The following MRPL15 variants were observed in gnomAD, a reference collection of about 807,000 sequenced individuals.
The protein encoded by MRPL15 is large ribosomal subunit protein uL15m.
MRPL15 carries 24 observed loss-of-function variants against 28.0 expected under a neutral mutation model. The ratio of observed to expected loss-of-function variants is 0.86; its 90% confidence interval spans 0.62 to 1.21. MRPL15 has a LOEUF of 1.21. Ranked by LOEUF, MRPL15 falls within the 50% of genes most tolerant of loss-of-function variation. The pLI is 0.00. For synonymous variants in MRPL15, 124 were observed against 137.0 expected, an observed-to-expected ratio of 0.90 and a Z score of 0.66; for missense variants, 343 against 372.4, an observed-to-expected ratio of 0.92 and a Z score of 0.65.
At chr8:54,137,671 C>T (rs1489405989) in intron 3 of MRPL15, among the ~76,000 whole-genome samples, 1 of 152,096 alleles carries the variant, frequency 6.6e-6, no homozygotes, top group Non-Finnish European at 1.5e-5. Flanking sequence ...ACTATGTTGG[C>T]CAGGCTGATC....
rs1811074000 is a variant in MRPL15 at position 54,147,970 on chromosome 8, T to G, written c.*251T>G. The G allele has an allele frequency of 7.8e-6, 3 of 382,644 alleles. No homozygotes were observed. The highest frequency in any genetic ancestry group is 9.4e-6 in the Non-Finnish European group (2 of 213,156). 23.7% of individuals were successfully genotyped at this position (382,644 alleles called of 1,614,324 possible). A position where few individuals can be genotyped will look rare whatever the true frequency, so the allele number is the denominator to read the frequency against. ...TAGTCTATGGAAGGAAAATGACAAC[T>G]ATTTTAGAATATTTCTAGTTTGTTT... On this transcript the variant is annotated 3_prime_UTR_variant, in exon 5 of 5. Coordinates refer to ENST00000260102, the MANE Select transcript of MRPL15 (RefSeq NM_014175.4).
rs763710663 is a variant in MRPL15 at position 54,135,249 on chromosome 8, C to G, written c.-35C>G. The stretch of plus-strand genomic sequence containing the variant: ...GAGACCACGTGGCCTCCGAGCAGCT[C>G]AGGGCGCCCTTGAAAGTTCTTGGAT... On this transcript the variant is annotated 5_prime_UTR_variant, in exon 1 of 5. Coordinates refer to ENST00000260102, the MANE Select transcript of MRPL15 (RefSeq NM_014175.4). The G allele has an allele frequency of 3.6e-5, 47 of 1,294,550 alleles. No individual in the cohort carries two copies. The highest frequency in any genetic ancestry group is 4.5e-5 in the Non-Finnish European group (45 of 1,007,396). The allele number at this position is 1,294,550 out of a possible 1,614,324, so 80.2% of individuals were successfully genotyped here.
intron 3 of MRPL15, 100 bp downstream of exon 3, chr8:54,137,533 G>A (rs1228732948): frequency 1.8e-6 from 2 of 1,109,780 alleles, no homozygotes; most frequent in Non-Finnish European, 2.6e-6. Context: ...GCGCAATCTC[G>A]GCTCCTGCAA....
intron 1 of MRPL15, among the ~76,000 whole-genome samples, chr8:54,135,770 G>T (rs866800780): frequency 6.6e-6 from 1 of 151,950 alleles, no homozygotes; most frequent in East Asian, 1.9e-4. Context: ...CGATCCGCCT[G>T]CCTCGGCCTC....
chr8:54,143,414 G>T, intron 4 of MRPL15, among the ~76,000 whole-genome samples: 1 of 152,114 alleles, frequency 6.6e-6, no homozygotes, highest in Middle Eastern at 3.2e-3. Flanking sequence ...GGCTCTTCTT[G>T]TAGTCTTCCC....
rs145535721 is a variant in MRPL15, at chr8:54,141,975, C to T, written c.430-688C>T. On this transcript the variant is annotated intron_variant, in intron 3 of 4. Coordinates refer to ENST00000260102, the MANE Select transcript of MRPL15 (RefSeq NM_014175.4). Reference sequence around the variant, plus strand: ...TCAAGTGATTCTCCTGCCTCAGCCTCGAAATAGCTGGGATTACTGGTGCCT... The same window carrying T: ...TCAAGTGATTCTCCTGCCTCAGCCTTGAAATAGCTGGGATTACTGGTGCCT... 1.7e-3 allele frequency among the ~76,000 whole-genome samples: 252 copies of T among 151,456 alleles called. 1 individual carries two copies. The highest frequency in any genetic ancestry group is 5.7e-3 in the African/African-American group (235 of 41,266).
At position 54,136,586 on chromosome 8, in the gene MRPL15, C is replaced by T. The variant is rs757648249; in HGVS notation, c.184C>T (p.Arg62Trp). 6 of 1,614,182 alleles carry T rather than the reference C, an allele frequency of 3.7e-6. No homozygotes were observed. Among genetic ancestry groups the T allele is most frequent in the Middle Eastern group, 1.6e-4 (1 of 6,062 alleles). ...TAAAGGAGAAAGGCAAAGAGGAACC[C>T]GGCCCCGCTTGGGCTTTGAGGGAGG... ...GHKGERQRGT[R>W]PRLGFEGGQT... The change falls in exon 2 of 5, where the codon CGG (arginine) becomes TGG (tryptophan). Residue 62 changes from arginine (R) to tryptophan (W), a missense_variant. Transcript: ENST00000260102.
chr8:54,147,375 C>A lies in MRPL15; in HGVS notation c.554-7C>A. 1 of 1,586,812 alleles carries A rather than the reference C, an allele frequency of 6.3e-7. No homozygotes were observed. Among genetic ancestry groups the A allele is most frequent in the South Asian group, 1.1e-5 (1 of 88,294 alleles). ...ATCTCACTTTTTAAATTTAAATTTTCTTTTAGACATTGTATGCAAACCTGT... is the reference window on the plus strand; with the variant it reads ...ATCTCACTTTTTAAATTTAAATTTTATTTTAGACATTGTATGCAAACCTGT... On this transcript the variant is annotated splice_polypyrimidine_tract_variant and splice_region_variant and intron_variant, in intron 4 of 4. Transcript: ENST00000260102.
At chr8:54,138,115 C>T (rs548552672) in intron 3 of MRPL15, among the ~76,000 whole-genome samples, 4 of 151,452 alleles carry the variant, frequency 2.6e-5, no homozygotes, top group South Asian at 4.2e-4. Context: ...CCACCACACC[C>T]GGCTAATTTT....
chr8:54,141,517 A>C (rs900906033), intron 3 of MRPL15, among the ~76,000 whole-genome samples: 2 of 152,148 alleles, frequency 1.3e-5, no homozygotes, highest in African/African-American at 4.8e-5. Context: ...AAAATTAGTA[A>C]AACAAGGTAG....
intron 2 of MRPL15, 77 bp downstream of exon 2, chr8:54,136,742 T>G: frequency 6.7e-7 from 1 of 1,501,832 alleles, no homozygotes; most frequent in Non-Finnish European, 9.0e-7. Context: ...TGGTAGAAAT[T>G]TTGGTGGAAA....
At chr8:54,140,028 T>A (rs1420965173) in intron 3 of MRPL15, among the ~76,000 whole-genome samples, 1 of 152,160 alleles carries the variant, frequency 6.6e-6, no homozygotes, top group Non-Finnish European at 1.5e-5. Context: ...CATCTTAGAA[T>A]TGATGGAATA....
At chr8:54,140,574 CTTTTT>C (rs71551976) in intron 3 of MRPL15, among the ~76,000 whole-genome samples, 10 of 99,604 alleles carry the variant, frequency 1.0e-4, no homozygotes, top group South Asian at 9.4e-4. Flanking sequence ...ATTTTCTTTT[CTTTTT>C]TTTTTTTTTT....
intron 4 of MRPL15, among the ~76,000 whole-genome samples, chr8:54,144,871 C>T (rs1320369076): frequency 5.3e-5 from 8 of 152,158 alleles, no homozygotes; most frequent in East Asian, 1.9e-4. Context: ...GTCCATCACT[C>T]AGTTTTTAGG....
In MRPL15 at chr8:54,147,998, T is replaced by C; in HGVS notation, c.*279T>C. 1 of 317,452 alleles carries C rather than the reference T, an allele frequency of 3.2e-6. No homozygotes were observed. 19.7% of individuals were successfully genotyped at this position (317,452 alleles called of 1,614,324 possible). Reference sequence around the variant, plus strand: ...TTTAGAATATTTCTAGTTTGTTTTTTCAGTGATCTTTTCATCCAGGCCTTG... The same window carrying C: ...TTTAGAATATTTCTAGTTTGTTTTTCCAGTGATCTTTTCATCCAGGCCTTG... On this transcript the variant is annotated 3_prime_UTR_variant, in exon 5 of 5. Transcript: ENST00000260102.
At chr8:54,144,088 AT>A (rs778448506) in intron 4 of MRPL15, among the ~76,000 whole-genome samples, 23 of 152,148 alleles carry the variant, frequency 1.5e-4, no homozygotes, top group Non-Finnish European at 3.2e-4. Flanking sequence ...GTATAAGTTC[AT>A]TTCTCTTTCT....
rs1308594591 is a variant in MRPL15 at position 54,147,665 on chromosome 8, T to C, written c.837T>C (p.Asp279=). 4 of 1,613,968 alleles carry C rather than the reference T, an allele frequency of 2.5e-6. No individual in the cohort carries two copies. The highest frequency in any genetic ancestry group is 3.4e-6 in the Non-Finnish European group (4 of 1,180,016). Residue 279 remains aspartate (D), a synonymous_variant, in exon 5 of 5, where the codon GAT becomes GAC. Transcript: ENST00000260102. The part of the protein sequence containing the change: ...LAPGWVVNMA[D]KKILKPTDEN... The stretch of plus-strand genomic sequence containing the variant: ...CAGGATGGGTGGTGAATATGGCCGA[T>C]AAGAAAATCCTAAAACCTACAGATG...
intron 1 of MRPL15, 79 bp downstream of exon 1, chr8:54,135,470 G>T: frequency 4.2e-6 from 5 of 1,199,896 alleles, no homozygotes; most frequent in Non-Finnish European, 5.8e-6. Flanking sequence ...GTCATTAGGA[G>T]AACTGCCCTT....
chr8:54,142,035 G>A (rs991900113), intron 3 of MRPL15, among the ~76,000 whole-genome samples: 1 of 152,066 alleles, frequency 6.6e-6, no homozygotes, highest in Non-Finnish European at 1.5e-5. Context: ...TATTTTAAGA[G>A]ACGGGGTTTC....
Sources: gnomAD v4.1 joint callset for allele counts (sites outside exome capture counted in the v4.1 genomes callset) on GRCh38, gnomAD v4.1.1 for gene constraint, MANE v1.5 for transcripts, NCBI Gene and HGNC (gene_info 2026-07-23, HGNC 2026-07-21) for gene names.